The following COL5A2 variants were observed in gnomAD, a reference collection of about 807,000 sequenced individuals.
COL5A2 encodes collagen alpha-2(V) chain.
Under a neutral mutation model 208.2 loss-of-function variants are expected in COL5A2, and 23 were observed. The ratio of observed to expected loss-of-function variants is 0.11; its 90% CI spans 0.08 to 0.16. The LOEUF is 0.16. Among genes scored for constraint, COL5A2 ranks in the 10% least tolerant of loss-of-function variants. The pLI is 1.00. For synonymous variants in COL5A2, 625 were observed against 628.5 expected, an observed-to-expected ratio of 0.99 and a Z score of 0.08; for missense variants, 1,590 against 1,956.4, an observed-to-expected ratio of 0.81 and a Z score of 3.53.
chr2:189,271,401 AT>A, the COL5A2 span, among the ~76,000 whole-genome samples: 1 of 152,164 alleles, frequency 6.6e-6, no homozygotes, highest in South Asian at 2.1e-4. Context: ...AAAACAAGCA[AT>A]GGGGAAAGGA....
chr2:189,391,434 T>G, the COL5A2 span, among the ~76,000 whole-genome samples: 7 of 152,250 alleles, frequency 4.6e-5, no homozygotes, highest in African/African-American at 1.7e-4. Context: ...TCTCATTAAA[T>G]AAAATGTTGA....
At chr2:189,293,171 G>C in the COL5A2 span, among the ~76,000 whole-genome samples, 2 of 151,944 alleles carry the variant, frequency 1.3e-5, no homozygotes, top group East Asian at 3.9e-4. Flanking sequence ...GAGTTAATGG[G>C]TGCAGCACAC....
Position 189,167,528 on chromosome 2 carries a change from G to T in COL5A2, c.97+11980C>A, listed in dbSNP as rs1040526572. ...CCATTGGTTTATAAACCTATGAGTT[G>T]TGTCTAAGCAAAATTCAGTTCAGCT... On this transcript the variant is annotated intron_variant, in intron 1 of 53. Coordinates refer to ENST00000374866, the MANE Select transcript of COL5A2 (RefSeq NM_000393.5). 8.5e-5 allele frequency among the ~76,000 whole-genome samples: 13 copies of T among 152,218 alleles called. No homozygotes were observed. In the East Asian group the frequency reaches 2.5e-3, roughly 29 times the overall value.
chr2:189,036,605 T>C lies in COL5A2; in HGVS notation c.4113+11A>G, dbSNP rs766666702. Reference sequence around the variant, plus strand: ...TAAAGAATACAATTTTAAGTAAACATATTAAATTACCTGAGACCCTCTGTT... The same window carrying C: ...TAAAGAATACAATTTTAAGTAAACACATTAAATTACCTGAGACCCTCTGTT... On this transcript the variant is annotated intron_variant, in intron 52 of 53. Coordinates refer to ENST00000374866, the MANE Select transcript of COL5A2 (RefSeq NM_000393.5). 1.3e-6 allele frequency: 2 copies of C among 1,598,034 alleles called. No homozygotes were observed. Among genetic ancestry groups the C allele is most frequent in the Admixed American group, 1.7e-5 (1 of 59,888 alleles).
chr2:189,340,896 C>T, the COL5A2 span, among the ~76,000 whole-genome samples: 1 of 152,158 alleles, frequency 6.6e-6, no homozygotes. Context: ...AGCCTCAAAA[C>T]ATTTGATCAA....
At chr2:189,436,751 CA>C in the COL5A2 span, among the ~76,000 whole-genome samples, 2 of 151,444 alleles carry the variant, frequency 1.3e-5, no homozygotes, top group Non-Finnish European at 2.9e-5. Context: ...AACACTGAAA[CA>C]AAAAAAACAA....
chr2:189,241,760 G>A, the COL5A2 span, among the ~76,000 whole-genome samples: 1 of 152,150 alleles, frequency 6.6e-6, no homozygotes, highest in African/African-American at 2.4e-5. Flanking sequence ...ATGACTAAAG[G>A]TTAAGAAATA....
the COL5A2 span, among the ~76,000 whole-genome samples, chr2:189,424,692 A>C: frequency 6.6e-6 from 1 of 152,220 alleles, no homozygotes; most frequent in Non-Finnish European, 1.5e-5. Flanking sequence ...ACAGAAAGGT[A>C]CTTGTATTCA....
the COL5A2 span, among the ~76,000 whole-genome samples, chr2:189,296,208 A>G: frequency 6.6e-6 from 1 of 151,916 alleles, no homozygotes; most frequent in Non-Finnish European, 1.5e-5. Context: ...CTTCCAATCT[A>G]CTGTTAAGGC....
chr2:189,139,235 A>C lies in COL5A2; in HGVS notation c.98-28786T>G, dbSNP rs1230792485. Among the ~76,000 whole-genome samples the C allele has an allele frequency of 2.0e-5, 3 of 152,314 alleles. No homozygotes were observed. In the East Asian group the frequency reaches 5.8e-4, roughly 29 times the overall value. On this transcript the variant is annotated intron_variant, in intron 1 of 53. Coordinates refer to ENST00000374866, the MANE Select transcript of COL5A2 (RefSeq NM_000393.5). ...GTTTGCAGGGAGCTGAGATCACGCCATTGCACTCCAGCCTGGGCAACAAGA... is the reference window on the plus strand; with the variant it reads ...GTTTGCAGGGAGCTGAGATCACGCCCTTGCACTCCAGCCTGGGCAACAAGA...
the COL5A2 span, among the ~76,000 whole-genome samples, chr2:189,392,119 C>T: frequency 1.3e-5 from 2 of 152,080 alleles, no homozygotes; most frequent in Non-Finnish European, 2.9e-5. Context: ...TGCATTTTTA[C>T]ATTTATGTAT....
At chr2:189,353,568 C>G in the COL5A2 span, among the ~76,000 whole-genome samples, 1 of 152,108 alleles carries the variant, frequency 6.6e-6, no homozygotes, top group South Asian at 2.1e-4. Context: ...AATGAGAGTT[C>G]ACTCATGATT....
At chr2:189,411,961 G>T in the COL5A2 span, among the ~76,000 whole-genome samples, 1 of 152,144 alleles carries the variant, frequency 6.6e-6, no homozygotes, top group Non-Finnish European at 1.5e-5. Flanking sequence ...TCTATGGAAA[G>T]GGGCTTCCAA....
chr2:189,100,170 A>G, intron 3 of COL5A2, 31 bp from the exon 4 acceptor site: 2 of 1,587,114 alleles, frequency 1.3e-6, no homozygotes, highest in South Asian at 1.1e-5. Context: ...CAAAAATTCA[A>G]TTAGCACAAT....
the COL5A2 span, among the ~76,000 whole-genome samples, chr2:189,345,591 A>C: frequency 6.6e-6 from 1 of 152,186 alleles, no homozygotes; most frequent in South Asian, 2.1e-4. Context: ...CAGGAAAAAA[A>C]GGGAGAATTT....
At chr2:189,167,012 C>T (rs1457273023) in intron 1 of COL5A2, among the ~76,000 whole-genome samples, 1 of 152,124 alleles carries the variant, frequency 6.6e-6, no homozygotes, top group Non-Finnish European at 1.5e-5. Context: ...GAGCTTAGTG[C>T]AAAACACTGG....
chr2:189,093,921 T>A (rs1305111142), intron 6 of COL5A2, among the ~76,000 whole-genome samples: 1 of 152,254 alleles, frequency 6.6e-6, no homozygotes, highest in East Asian at 1.9e-4. Context: ...GTTCTTGCAA[T>A]GCTCAGTTGC....
the COL5A2 span, among the ~76,000 whole-genome samples, chr2:189,425,112 G>T: frequency 6.6e-6 from 1 of 152,146 alleles, no homozygotes; most frequent in Non-Finnish European, 1.5e-5. Flanking sequence ...AAGGAAATTA[G>T]ACTCTTATCT....
At chr2:189,155,979 T>A (rs1688238623) in intron 1 of COL5A2, among the ~76,000 whole-genome samples, 1 of 152,134 alleles carries the variant, frequency 6.6e-6, no homozygotes, top group Admixed American at 6.6e-5. Context: ...TTCAAATCTC[T>A]CTCTCTCTCT....
Sources: allele counts gnomAD v4.1 joint callset (sites outside exome capture counted in the v4.1 genomes callset), GRCh38; gene constraint gnomAD v4.1.1; transcripts MANE v1.5; gene names NCBI Gene and HGNC (gene_info 2026-07-23, HGNC 2026-07-21).